The following C5orf22 variants were observed in gnomAD, a reference collection of about 807,000 sequenced individuals.
The protein encoded by C5orf22 is UPF0489 protein C5orf22.
Under a neutral mutation model 48.7 loss-of-function variants are expected in C5orf22, and 36 were observed. That is an observed-to-expected ratio of 0.74 (90% CI 0.57 to 0.98). The LOEUF is 0.98. Among genes scored for constraint, C5orf22 ranks in the 50% least tolerant of loss-of-function variants. The probability of loss-of-function intolerance (pLI) is 0.00; values close to 1 mark genes in which losing one functional copy is unlikely to be tolerated. For synonymous variants in C5orf22, 141 were observed against 180.8 expected (o/e 0.78, Z 1.76); for missense variants, 486 against 521.9 (o/e 0.93, Z 0.67).
At chr5:31,543,348 G>A (rs1043545310) in intron 6 of C5orf22, among the ~76,000 whole-genome samples, 24 of 152,188 alleles carry the variant, frequency 1.6e-4, no homozygotes, top group African/African-American at 5.3e-4. Flanking sequence ...TGGGCAGATC[G>A]CCTGAGCTCA....
intron 1 of C5orf22, 45 bp downstream of exon 1, chr5:31,532,518 C>A (rs1007621246): frequency 1.3e-6 from 2 of 1,553,498 alleles, no homozygotes; most frequent in Non-Finnish European, 1.8e-6. Flanking sequence ...CAGCGGAAGC[C>A]CTGACGCTCA....
intron 3 of C5orf22, among the ~76,000 whole-genome samples, chr5:31,536,399 T>C (rs892697645): frequency 6.6e-6 from 1 of 152,278 alleles, no homozygotes; most frequent in South Asian, 2.1e-4. Flanking sequence ...GGCAGGCGCC[T>C]GTAGTCCCAG....
At chr5:31,539,722 C>A (rs1056003323) in intron 4 of C5orf22, among the ~76,000 whole-genome samples, 5 of 151,926 alleles carry the variant, frequency 3.3e-5, no homozygotes, top group Admixed American at 2.0e-4. Flanking sequence ...TTAGGAAAGA[C>A]AGATGTTCAT....
rs140181527 is a variant in C5orf22, at chr5:31,544,936, A to G, written c.993-710A>G. ...GGTGGTAGTGAGATCCTGTCTCAATAGTAATAATAATTGTATATACAAATA... is the reference window on the plus strand; with the variant it reads ...GGTGGTAGTGAGATCCTGTCTCAATGGTAATAATAATTGTATATACAAATA... On this transcript the variant is annotated intron_variant, in intron 6 of 8. Transcript: ENST00000325366. Among the ~76,000 whole-genome samples the G allele has an allele frequency of 5.3e-5, 8 of 151,308 alleles. No individual in the cohort carries two copies. The East Asian group carries it at 1.4e-3, about 26-fold the overall frequency.
intron 3 of C5orf22, among the ~76,000 whole-genome samples, 170 bp downstream of exon 3, chr5:31,536,063 C>A (rs1184775112): frequency 2.0e-5 from 3 of 152,126 alleles, no homozygotes; most frequent in Non-Finnish European, 4.4e-5. Flanking sequence ...TCTTGATATT[C>A]TTCATGTACC....
chr5:31,532,476 G>C lies in C5orf22; in HGVS notation c.81+3G>C. On this transcript the variant is annotated splice_donor_region_variant and intron_variant, in intron 1 of 8. Transcript: ENST00000325366. Reference sequence around the variant, plus strand: ...GGGTGGTGGAGGATCATCAGGAGGTGAGCGGACGGCAACAGGGCTCTGGGG... The same window carrying C: ...GGGTGGTGGAGGATCATCAGGAGGTCAGCGGACGGCAACAGGGCTCTGGGG... The C allele has an allele frequency of 6.2e-7, 1 of 1,612,720 alleles. No homozygotes were observed. The highest frequency in any genetic ancestry group is 1.1e-5 in the South Asian group (1 of 91,000).
chr5:31,535,736 T>G lies in C5orf22; in HGVS notation c.228-8T>G. On this transcript the variant is annotated splice_polypyrimidine_tract_variant and splice_region_variant and intron_variant, in intron 2 of 8. Transcript: ENST00000325366. ...AGTTTTAATGTTGTCTCTATGTTTC[T>G]TTTCCAGAGAATTAAGTATTGAAAA... 5.1e-6 allele frequency: 8 copies of G among 1,576,982 alleles called. No homozygotes were observed. The highest frequency in any genetic ancestry group is 6.9e-6 in the Non-Finnish European group (8 of 1,166,014).
chr5:31,533,317 G>A (rs1381234973), intron 1 of C5orf22, among the ~76,000 whole-genome samples: 1 of 152,150 alleles, frequency 6.6e-6, no homozygotes, highest in Non-Finnish European at 1.5e-5. Context: ...ACTAAAAGGG[G>A]TTTCCATGTT....
At chr5:31,539,378 C>A (rs1414741911) in intron 4 of C5orf22, among the ~76,000 whole-genome samples, 3 of 152,202 alleles carry the variant, frequency 2.0e-5, no homozygotes, top group Non-Finnish European at 4.4e-5. Context: ...ACTCTCTTAT[C>A]CCCATTCCCT....
chr5:31,550,224 C>T (rs12654273), intron 7 of C5orf22, among the ~76,000 whole-genome samples: 121,923 of 152,158 alleles, frequency 0.8, 49,073 homozygotes, highest in African/African-American at 0.86. Context: ...TTTGCACTTG[C>T]GTACTCTAGG....
At chr5:31,542,849 T>C (rs1410831558) in intron 6 of C5orf22, among the ~76,000 whole-genome samples, 1 of 152,242 alleles carries the variant, frequency 6.6e-6, no homozygotes, top group Non-Finnish European at 1.5e-5. Context: ...AACTGTCATA[T>C]TATTCTCTCT....
At chr5:31,548,368 A>G (rs193096724) in intron 7 of C5orf22, 25 of 236,662 alleles carry the variant, frequency 1.1e-4, no homozygotes, top group Admixed American at 4.0e-4. Flanking sequence ...GCTGCTTGGC[A>G]GTTTCTTCCA....
chr5:31,539,859 G>A lies in C5orf22; in HGVS notation c.808-1090G>A, dbSNP rs113657084. ...GGAGTTTGAGAACAGCGTAGGCAAC[G>A]TAGCAAGACCCCATCTCTATTAAAA... is the stretch of plus-strand genomic sequence containing the variant. On this transcript the variant is annotated intron_variant, in intron 4 of 8. Coordinates refer to ENST00000325366, the MANE Select transcript of C5orf22 (RefSeq NM_018356.3). Among the ~76,000 whole-genome samples the A allele has an allele frequency of 1.3e-4, 20 of 151,944 alleles. No homozygotes were observed. In the South Asian group the frequency reaches 3.3e-3, roughly 25 times the overall value.
Position 31,534,324 on chromosome 5 carries a change from A to C in C5orf22, c.134A>C (p.Asn45Thr). 2 of 1,613,874 alleles carry C rather than the reference A, an allele frequency of 1.2e-6. No individual in the cohort carries two copies. The highest frequency in any genetic ancestry group is 1.7e-6 in the Non-Finnish European group (2 of 1,179,788). ...AIGSKHLPAS[N>T]VSFLHFDSHP... ...GGCTCAAAGCATCTTCCTGCCAGTA[A>C]TGTAAGTTTTTTACATTTCGACTCA... The change falls in exon 2 of 9, where the codon AAT becomes ACT. Residue 45 changes from asparagine to threonine, a missense_variant. By Grantham distance (65) the Asn-to-Thr change is moderately conservative (BLOSUM62 0). This residue lies in a region of C5orf22 where 74 missense variants were observed against 61.2 expected (regional missense o/e 1.21). Coordinates refer to ENST00000325366, the MANE Select transcript of C5orf22 (RefSeq NM_018356.3).
intron 8 of C5orf22, among the ~76,000 whole-genome samples, chr5:31,552,495 A>G (rs992152186): frequency 1.3e-5 from 2 of 152,208 alleles, no homozygotes; most frequent in African/African-American, 2.4e-5. Flanking sequence ...ATTAAGGCAC[A>G]CACCGCATGT....
At chr5:31,532,772 T>C (rs183798221) in intron 1 of C5orf22, among the ~76,000 whole-genome samples, 1,835 of 152,094 alleles carry the variant, frequency 0.012, 13 homozygotes, top group Middle Eastern at 0.02. Flanking sequence ...TGCAGAGCCC[T>C]GTGTTCTTAA....
intron 2 of C5orf22, among the ~76,000 whole-genome samples, chr5:31,535,531 A>G (rs1051735452): frequency 1.3e-5 from 2 of 152,228 alleles, no homozygotes; most frequent in African/African-American, 2.4e-5. Context: ...CCTTTGCACC[A>G]TCTTTGCAAA....
At position 31,534,433 on chromosome 5, in the gene C5orf22, A is replaced by G. The variant is rs770875845; in HGVS notation, c.227+16A>G. The G allele has an allele frequency of 2.5e-5, 40 of 1,595,570 alleles. 1 individual carries two copies. Among genetic ancestry groups the G allele is most frequent in the East Asian group, 1.3e-4 (6 of 44,668 alleles). On this transcript the variant is annotated intron_variant, in intron 2 of 8. Transcript: ENST00000325366. ...CACTCTTTGGGTAATATGTGATTTT[A>G]TTTATGGTCTTTTGTGTTTGAAGTA... is the stretch of plus-strand genomic sequence containing the variant.
At position 31,551,316 on chromosome 5, in the gene C5orf22, C is replaced by T. The variant is rs747428558; in HGVS notation, c.1083C>T (p.Cys361=). 10 of 1,613,010 alleles carry T rather than the reference C, an allele frequency of 6.2e-6. No individual in the cohort carries two copies. The highest frequency in any genetic ancestry group is 2.2e-5 in the East Asian group (1 of 44,852). ...YEMVHQAGLT[C]DYSELPHHIS... ...AGGTTCACCAGGCTGGTTTAACCTG[C>T]GATTATTCAGAACTTCCTCACCATA... Residue 361 remains cysteine, a synonymous_variant, in exon 8 of 9, where the codon TGC becomes TGT. Coordinates refer to ENST00000325366, the MANE Select transcript of C5orf22 (RefSeq NM_018356.3).
Sources: gnomAD v4.1 joint callset for allele counts (sites outside exome capture counted in the v4.1 genomes callset) on GRCh38, gnomAD v4.1.1 for gene constraint, gnomAD v4.1.1 regional missense constraint, MANE v1.5 for transcripts, NCBI Gene and HGNC (gene_info 2026-07-23, HGNC 2026-07-21) for gene names.